Variants in HS6ST2 observed in about 807,000 individuals in gnomAD.
The protein encoded by HS6ST2 is heparan-sulfate 6-O-sulfotransferase 2.
Under a neutral mutation model 33.0 loss-of-function variants are expected in HS6ST2, and 17 were observed. The ratio of observed to expected loss-of-function variants is 0.52; its 90% CI spans 0.35 to 0.77. The LOEUF (loss-of-function observed/expected upper bound fraction) is 0.77. HS6ST2 is among the 30% of genes least tolerant of loss of function. The pLI, the probability that HS6ST2 is intolerant of heterozygous loss-of-function variation, is 0.01. For synonymous variants in HS6ST2, 248 were observed against 237.1 expected (o/e 1.05, Z -0.42); for missense variants, 519 against 551.7 (o/e 0.94, Z 0.59).
chrX:132,655,274 G>A (rs1207673847), intron 4 of HS6ST2, among the ~76,000 whole-genome samples: 1 of 112,166 alleles, frequency 8.9e-6, no homozygotes, highest in Non-Finnish European at 1.9e-5. Context: ...GTTCAGAGGA[G>A]GGAGAGATGC....
intron 4 of HS6ST2, among the ~76,000 whole-genome samples, chrX:132,643,854 A>G (rs1456586373): frequency 8.9e-6 from 1 of 111,942 alleles, no homozygotes; most frequent in Non-Finnish European, 1.9e-5. Flanking sequence ...GGCAAATGCT[A>G]GAGGGCAGAA....
At chrX:132,715,920 C>T (rs778570979) in intron 2 of HS6ST2, among the ~76,000 whole-genome samples, 5 of 112,805 alleles carry the variant, frequency 4.4e-5, no homozygotes, top group Non-Finnish European at 7.5e-5. Context: ...CTTCTTATAT[C>T]TCTTTCATTT....
At chrX:132,669,919 C>T (rs1044085406) in intron 3 of HS6ST2, 1 of 112,529 alleles carries the variant, frequency 8.9e-6, no homozygotes, top group African/African-American at 3.2e-5. Context: ...TGATTGGAGT[C>T]TTCTTGATTA....
At chrX:132,956,420 G>T (rs983210231) in intron 2 of HS6ST2, among the ~76,000 whole-genome samples, 15 of 111,133 alleles carry the variant, frequency 1.3e-4, no homozygotes, top group African/African-American at 4.6e-4. Context: ...TCGGAACCCG[G>T]GTGCAGAGTA....
At chrX:132,767,430 G>A (rs978577318) in intron 2 of HS6ST2, among the ~76,000 whole-genome samples, 1 of 111,976 alleles carries the variant, frequency 8.9e-6, no homozygotes, top group Non-Finnish European at 1.9e-5. Flanking sequence ...TTTTGCCCAA[G>A]CTGGTCTTGA....
chrX:132,660,716 C>G (rs1275804598), intron 4 of HS6ST2, among the ~76,000 whole-genome samples: 1 of 111,799 alleles, frequency 8.9e-6, no homozygotes, highest in Admixed American at 9.5e-5. Context: ...TCAACTATCT[C>G]TCCATTATTG....
At chrX:132,783,253 G>T (rs1408885527) in intron 2 of HS6ST2, among the ~76,000 whole-genome samples, 1 of 111,715 alleles carries the variant, frequency 9.0e-6, no homozygotes, top group African/African-American at 3.3e-5. Context: ...CTGGTGCCTG[G>T]TGCTTGGCAC....
chrX:132,746,291 A>G (rs1385219688), intron 2 of HS6ST2, among the ~76,000 whole-genome samples: 1 of 111,125 alleles, frequency 9.0e-6, no homozygotes, highest in Non-Finnish European at 1.9e-5. Context: ...TCATGAGGTC[A>G]GGAGATCGAG....
At chrX:132,956,366 G>A (rs1312233614) in intron 2 of HS6ST2, among the ~76,000 whole-genome samples, 1 of 110,498 alleles carries the variant, frequency 9.0e-6, no homozygotes, top group Non-Finnish European at 1.9e-5. Context: ...GGGGAGGGAA[G>A]AATGCGGGCG....
chrX:132,859,021 C>T (rs1024459340), intron 2 of HS6ST2, among the ~76,000 whole-genome samples: 10 of 112,065 alleles, frequency 8.9e-5, no homozygotes, highest in Non-Finnish European at 1.7e-4. Context: ...GATATGTCGG[C>T]CCTGGAAATA....
intron 4 of HS6ST2, among the ~76,000 whole-genome samples, chrX:132,668,122 A>G (rs2063823725): frequency 8.9e-6 from 1 of 112,398 alleles, no homozygotes; most frequent in Non-Finnish European, 1.9e-5. Flanking sequence ...ATCATATTCA[A>G]AGTGCAGCAT....
rs777567330 is a variant in HS6ST2, at chrX:132,958,483, C to T, written c.120G>A (p.Ala40=). The T allele has an allele frequency of 1.4e-4, 173 of 1,195,033 alleles. No homozygotes were observed. The highest frequency in any genetic ancestry group is 2.0e-4 in the South Asian group (11 of 54,947). ...AGGCGGCGACCGACCCGGGCCGGCTCGCTGCCAATTCGGCCTCTACTCTGG... is the reference window on the plus strand; with the variant it reads ...AGGCGGCGACCGACCCGGGCCGGCTTGCTGCCAATTCGGCCTCTACTCTGG... ...RHSRVEAELA[A]SRPGSVAASV... The change falls in exon 1 of 5, where the codon GCG becomes GCA. Residue 40 remains alanine, a synonymous_variant. Transcript: ENST00000370833.
intron 2 of HS6ST2, among the ~76,000 whole-genome samples, chrX:132,841,245 T>C (rs543379365): frequency 1.8e-5 from 2 of 111,902 alleles, no homozygotes; most frequent in Admixed American, 9.5e-5. Flanking sequence ...GCTTTTCTTA[T>C]CTGGAGGTTT....
rs2067118868 is a variant in HS6ST2 at position 132,958,574 on chromosome X, TC to T, written c.28del (p.Glu10SerfsTer25). On this transcript the variant is annotated frameshift_variant, in exon 1 of 5. Transcript: ENST00000370833. LOFTEE classifies it high-confidence loss of function. MALPACAVREFEPPRQPERG... is the reference protein window; with the variant it reads MALPACAVRXFEPPRQPERG... ...CTCCGGTTGCCGCGGCGGCTCGAAC[TC>T]CCGGACTGCACACGCAGGCAGTGCC... 8.5e-7 allele frequency: 1 copy of T among 1,180,665 alleles called. No homozygotes were observed.
intron 2 of HS6ST2, among the ~76,000 whole-genome samples, chrX:132,832,091 A>G (rs2065595757): frequency 9.0e-6 from 1 of 111,490 alleles, no homozygotes; most frequent in East Asian, 2.8e-4. Flanking sequence ...TTAAGCTCCA[A>G]TAGAAATAAT....
At chrX:132,907,156 A>G (rs868824135) in intron 2 of HS6ST2, 13 of 112,522 alleles carry the variant, frequency 1.2e-4, no homozygotes, top group African/African-American at 4.2e-4. Context: ...TCTTTTCTTT[A>G]TAAATTACCC....
Position 132,958,472 on chromosome X carries a change from C to T in HS6ST2, c.131G>A (p.Gly44Glu). Residue 44 changes from glycine (G) to glutamate (E), a missense_variant, in exon 1 of 5, where the codon GGG (glycine) becomes GAG (glutamate). Gly to Glu is a moderately conservative substitution (Grantham distance 98). Coordinates refer to ENST00000370833, the MANE Select transcript of HS6ST2 (RefSeq NM_001394073.1). ...CGCGCGAACTGAGGCGGCGACCGAC[C>T]CGGGCCGGCTCGCTGCCAATTCGGC... ...VEAELAASRPGSVAASVRAGP... is the reference protein window; with the variant it reads ...VEAELAASRPESVAASVRAGP... 8.3e-7 allele frequency: 1 copy of T among 1,197,652 alleles called. No homozygotes were observed. Among genetic ancestry groups the T allele is most frequent in the East Asian group, 3.0e-5 (1 of 33,236 alleles).
intron 2 of HS6ST2, among the ~76,000 whole-genome samples, chrX:132,718,969 T>C (rs1365001265): frequency 1.8e-5 from 2 of 110,814 alleles, no homozygotes; most frequent in Non-Finnish European, 3.8e-5. Flanking sequence ...AAATTACATA[T>C]AGACAGAATC....
chrX:132,838,685 A>C (rs2065670259), intron 2 of HS6ST2, among the ~76,000 whole-genome samples: 1 of 111,261 alleles, frequency 9.0e-6, no homozygotes, highest in Admixed American at 9.6e-5. Flanking sequence ...ACTATAGAAA[A>C]AGTGGTTCTG....
Sources: allele counts gnomAD v4.1 joint callset (sites outside exome capture counted in the v4.1 genomes callset), GRCh38; gene constraint gnomAD v4.1.1; transcripts MANE v1.5; gene names NCBI Gene and HGNC (gene_info 2026-07-23, HGNC 2026-07-21).